Variants in WFDC10A observed in about 807,000 individuals in gnomAD.
The protein encoded by WFDC10A is WAP four-disulfide core domain protein 10A.
A neutral mutation model predicts 2.6 loss-of-function variants in WFDC10A; 2 were observed. The observed-to-expected ratio is 0.76, with a 90% CI of 0.31 to 2.40. WFDC10A has a LOEUF of 2.40. WFDC10A is among the 30% of genes most tolerant of loss of function. The pLI is 0.12. For missense variants in WFDC10A, 84 were observed against 91.8 expected (o/e 0.92, Z 0.35); for synonymous variants, 36 against 36.3 (o/e 0.99, Z 0.03).
chr20:45,630,777 G>A (rs183430841), intron 1 of WFDC10A, 93 bp from the exon 2 acceptor site: 1 of 1,363,092 alleles, frequency 7.3e-7, no homozygotes, highest in Admixed American at 2.8e-5. Context: ...TCATGACTGA[G>A]ACCTGGGTTC....
chr20:45,629,988 A>T (rs1199992264), intron 1 of WFDC10A, 84 bp downstream of exon 1: 11 of 1,540,528 alleles, frequency 7.1e-6, no homozygotes, highest in Non-Finnish European at 7.0e-6. Flanking sequence ...AGGACCTAGG[A>T]GTTGGAAACT....
chr20:45,630,431 C>A (rs764728229), intron 1 of WFDC10A, among the ~76,000 whole-genome samples: 7 of 152,042 alleles, frequency 4.6e-5, no homozygotes, highest in Non-Finnish European at 1.0e-4. Flanking sequence ...GAGACAGTGA[C>A]AGTGAGCAGA....
chr20:45,629,945 AGGGGGAATGGAGG>A lies in WFDC10A; in HGVS notation c.91+43_91+55del, dbSNP rs779366962. ...CTGGATGGGTGAGGGGGAATTGGGT[AGGGGGAATGGAGG>A]GCCTGTGTCCAGTCTGAGTAGGACC... On this transcript the variant is annotated intron_variant, in intron 1 of 1. Transcript: ENST00000372643. The A allele has an allele frequency of 7.5e-6, 12 of 1,604,150 alleles. No individual in the cohort carries two copies. In the East Asian group the frequency reaches 2.7e-4, roughly 36 times the overall value.
chr20:45,631,048 G>T lies in WFDC10A; in HGVS notation c.*30G>T. The T allele has an allele frequency of 6.4e-7, 1 of 1,563,616 alleles. No individual in the cohort carries two copies. ...GAGAGTGGGCTGGGATGTGCATCCT[G>T]CTTCCCAACTCCTCTATCCAAGACT... On this transcript the variant is annotated 3_prime_UTR_variant, in exon 2 of 2. Coordinates refer to ENST00000372643, the MANE Select transcript of WFDC10A (RefSeq NM_080753.3).
Position 45,629,788 on chromosome 20 carries a change from A to T in WFDC10A, c.-26A>T, listed in dbSNP as rs1434431595. 1 of 1,610,228 alleles carries T rather than the reference A, an allele frequency of 6.2e-7. No individual in the cohort carries two copies. Among genetic ancestry groups the T allele is most frequent in the South Asian group, 1.1e-5 (1 of 90,338 alleles). ...GAAGTCTGTGACAACCTGGCCAGAC[A>T]TAGGGCTCACGATCTGATCAGAGTC... On this transcript the variant is annotated 5_prime_UTR_variant, in exon 1 of 2. Coordinates refer to ENST00000372643, the MANE Select transcript of WFDC10A (RefSeq NM_080753.3).
Position 45,630,865 on chromosome 20 carries a change from G to C in WFDC10A, c.92-5G>C. 1 of 1,592,796 alleles carries C rather than the reference G, an allele frequency of 6.3e-7. No individual in the cohort carries two copies. Among genetic ancestry groups the C allele is most frequent in the South Asian group, 1.1e-5 (1 of 87,784 alleles). The stretch of plus-strand genomic sequence containing the variant: ...GTTTATTTACCGTTCTATTCTCCTT[G>C]TCAGAAACACAGCTATCCCCAGAAA... On this transcript the variant is annotated splice_region_variant and splice_polypyrimidine_tract_variant and intron_variant, in intron 1 of 1. Transcript: ENST00000372643.
Position 45,631,045 on chromosome 20 carries a change from C to G in WFDC10A, c.*27C>G, listed in dbSNP as rs1265073387. On this transcript the variant is annotated 3_prime_UTR_variant, in exon 2 of 2. Transcript: ENST00000372643. ...TGGGAGAGTGGGCTGGGATGTGCAT[C>G]CTGCTTCCCAACTCCTCTATCCAAG... 2 of 1,565,302 alleles carry G rather than the reference C, an allele frequency of 1.3e-6. No homozygotes were observed. Among genetic ancestry groups the G allele is most frequent in the Admixed American group, 1.9e-5 (1 of 53,576 alleles).
chr20:45,629,971 T>C, intron 1 of WFDC10A, 67 bp downstream of exon 1: 1 of 1,581,888 alleles, frequency 6.3e-7, no homozygotes, highest in Non-Finnish European at 8.6e-7. Context: ...CTGTGTCCAG[T>C]CTGAGTAGGA....
In WFDC10A at chr20:45,629,869, C is replaced by A; in HGVS notation, c.56C>A (p.Ala19Asp). The A allele has an allele frequency of 6.2e-7, 1 of 1,613,928 alleles. No individual in the cohort carries two copies. The highest frequency in any genetic ancestry group is 8.5e-7 in the Non-Finnish European group (1 of 1,179,974). Residue 19 changes from alanine (A) to aspartate (D), a missense_variant, in exon 1 of 2, where the codon GCC (alanine) becomes GAC (aspartate). Ala to Asp is a moderately radical substitution (Grantham distance 126, BLOSUM62 -2). Coordinates refer to ENST00000372643, the MANE Select transcript of WFDC10A (RefSeq NM_080753.3). Reference protein sequence around the residue: ...VLVLCVLLLQAQGGYRDKKRM... With the variant: ...VLVLCVLLLQDQGGYRDKKRM... ...GTTCTCTGTGTGCTGCTGCTGCAGG[C>A]CCAGGGAGGATACCGTGACAAGAAG...
intron 1 of WFDC10A, 84 bp downstream of exon 1, chr20:45,629,988 A>G: frequency 1.3e-6 from 2 of 1,540,646 alleles, no homozygotes; most frequent in South Asian, 2.4e-5. Context: ...AGGACCTAGG[A>G]GTTGGAAACT....
chr20:45,629,989 G>A (rs1324521825), intron 1 of WFDC10A, 85 bp downstream of exon 1: 1 of 1,539,116 alleles, frequency 6.5e-7, no homozygotes, highest in Non-Finnish European at 8.8e-7. Context: ...GGACCTAGGA[G>A]TTGGAAACTC....
rs769748550 is a variant in WFDC10A, at chr20:45,629,799, G to A, written c.-15G>A. The A allele has an allele frequency of 1.3e-5, 21 of 1,612,306 alleles. No homozygotes were observed. Among genetic ancestry groups the A allele is most frequent in the Non-Finnish European group, 1.7e-5 (20 of 1,179,214 alleles). The stretch of plus-strand genomic sequence containing the variant: ...CAACCTGGCCAGACATAGGGCTCAC[G>A]ATCTGATCAGAGTCATGGCACCCCA... On this transcript the variant is annotated 5_prime_UTR_variant, in exon 1 of 2. Transcript: ENST00000372643.
chr20:45,630,294 A>G (rs1277708806), intron 1 of WFDC10A, among the ~76,000 whole-genome samples: 2 of 152,102 alleles, frequency 1.3e-5, no homozygotes, highest in African/African-American at 2.4e-5. Context: ...TAGAATGGGT[A>G]TAAGTGTAGG....
At chr20:45,630,295 T>G in intron 1 of WFDC10A, among the ~76,000 whole-genome samples, 1 of 151,906 alleles carries the variant, frequency 6.6e-6, no homozygotes, top group East Asian at 1.9e-4. Flanking sequence ...AGAATGGGTA[T>G]AAGTGTAGGG....
Position 45,630,865 on chromosome 20 carries a change from G to T in WFDC10A, c.92-5G>T. 6.3e-7 allele frequency: 1 copy of T among 1,592,796 alleles called. No individual in the cohort carries two copies. The highest frequency in any genetic ancestry group is 8.5e-7 in the Non-Finnish European group (1 of 1,171,102). Reference sequence around the variant, plus strand: ...GTTTATTTACCGTTCTATTCTCCTTGTCAGAAACACAGCTATCCCCAGAAA... The same window carrying T: ...GTTTATTTACCGTTCTATTCTCCTTTTCAGAAACACAGCTATCCCCAGAAA... On this transcript the variant is annotated splice_region_variant and splice_polypyrimidine_tract_variant and intron_variant, in intron 1 of 1. Coordinates refer to ENST00000372643, the MANE Select transcript of WFDC10A (RefSeq NM_080753.3).
In WFDC10A at chr20:45,630,995, A is replaced by G; in HGVS notation, c.217A>G (p.Asn73Asp). Residue 73 changes from asparagine to aspartate, a missense_variant, in exon 2 of 2, where the codon AAT (asparagine) becomes GAT (aspartate). Asn to Asp is a conservative substitution (Grantham distance 23). Transcript: ENST00000372643. The stretch of plus-strand genomic sequence containing the variant: ...CATATGCTGTTCTACCTACTGTGGG[A>G]ATGTTTGCATGAGCATCCTGTGAGT... ...NNICCSTYCG[N>D]VCMSIL is the part of the protein sequence containing the mutation. The G allele has an allele frequency of 6.2e-7, 1 of 1,603,086 alleles. No individual in the cohort carries two copies. The highest frequency in any genetic ancestry group is 1.3e-5 in the African/African-American group (1 of 74,200).
chr20:45,630,013 C>T, intron 1 of WFDC10A, 109 bp downstream of exon 1: 2 of 1,440,340 alleles, frequency 1.4e-6, no homozygotes, highest in Non-Finnish European at 1.9e-6. Context: ...GCATATCCAG[C>T]TCTGACCACA....
intron 1 of WFDC10A, 30 bp downstream of exon 1, chr20:45,629,934 G>C: frequency 6.2e-7 from 1 of 1,610,402 alleles, no homozygotes; most frequent in Non-Finnish European, 8.5e-7. Context: ...ATGGGTGAGG[G>C]GGAATTGGGT....
Position 45,631,005 on chromosome 20 carries a change from T to A in WFDC10A, c.227T>A (p.Met76Lys), listed in dbSNP as rs1304794441. The A allele has an allele frequency of 6.2e-7, 1 of 1,600,850 alleles. No individual in the cohort carries two copies. The highest frequency in any genetic ancestry group is 8.5e-7 in the Non-Finnish European group (1 of 1,173,876). The change falls in exon 2 of 2, where the codon ATG becomes AAG. Residue 76 changes from methionine to lysine, a missense_variant. Physicochemically the swap from Met to Lys is moderately conservative, Grantham distance 95. Transcript: ENST00000372643. ...TCTACCTACTGTGGGAATGTTTGCA[T>A]GAGCATCCTGTGAGTGGGAGAGTGG... is the stretch of plus-strand genomic sequence containing the variant. ...CCSTYCGNVC[M>K]SIL
Sources: gnomAD v4.1 joint callset for allele counts (sites outside exome capture counted in the v4.1 genomes callset) on GRCh38, gnomAD v4.1.1 for gene constraint, MANE v1.5 for transcripts, NCBI Gene and HGNC (gene_info 2026-07-23, HGNC 2026-07-21) for gene names.